Variants in DESI2 observed in about 807,000 individuals in gnomAD.
DESI2 encodes the protein desumoylating isopeptidase 2, also known as deubiquitinase DESI2.
In DESI2, 10 loss-of-function variants were observed where a neutral mutation model predicts 24.1. That is an observed-to-expected ratio of 0.41 (90% CI 0.26 to 0.70). DESI2 has a LOEUF of 0.70. DESI2 is among the 30% of genes least tolerant of loss of function. The pLI is 0.29. For synonymous variants in DESI2, 71 were observed against 87.7 expected, an observed-to-expected ratio of 0.81 and a Z score of 1.06; for missense variants, 122 against 234.9, an observed-to-expected ratio of 0.52 and a Z score of 3.14.
intron 4 of DESI2, chr1:244,694,690 G>A (rs930873715): frequency 2.4e-5 from 18 of 744,252 alleles, no homozygotes; most frequent in Non-Finnish European, 3.7e-5. Flanking sequence ...TTATTGCGAC[G>A]CTTTCCAAAC....
intron 1 of DESI2, among the ~76,000 whole-genome samples, chr1:244,657,621 C>A (rs572783061): frequency 6.6e-6 from 1 of 152,344 alleles, no homozygotes; most frequent in South Asian, 2.1e-4. Context: ...CAGAGATAAA[C>A]AGGCCCTGGA....
chr1:244,703,065 G>A (rs954541870), intron 4 of DESI2, among the ~76,000 whole-genome samples: 16 of 146,696 alleles, frequency 1.1e-4, no homozygotes, highest in South Asian at 2.2e-4. Context: ...GCAGTGGCAC[G>A]ATCTCAGCTC....
chr1:244,666,928 A>G (rs1676066423), intron 1 of DESI2, among the ~76,000 whole-genome samples: 1 of 152,174 alleles, frequency 6.6e-6, no homozygotes, highest in African/African-American at 2.4e-5. Flanking sequence ...TGATAAACCC[A>G]TCAGATCTCG....
chr1:244,676,573 G>C (rs1338501509), intron 1 of DESI2, among the ~76,000 whole-genome samples: 1 of 151,518 alleles, frequency 6.6e-6, no homozygotes, highest in Non-Finnish European at 1.5e-5. Flanking sequence ...TGCCCTGGCT[G>C]GAATCTCCAG....
chr1:244,677,463 T>TG (rs1676450813), intron 1 of DESI2, among the ~76,000 whole-genome samples: 1 of 152,202 alleles, frequency 6.6e-6, no homozygotes, highest in African/African-American at 2.4e-5. Flanking sequence ...CTTCAACTTC[T>TG]GGGGGTCCTT....
intron 1 of DESI2, among the ~76,000 whole-genome samples, chr1:244,686,250 CTGTGTGTGTGTGTGTATGTG>C (rs1052166515): frequency 6.6e-6 from 1 of 150,396 alleles, no homozygotes; most frequent in African/African-American, 2.5e-5. Flanking sequence ...AAAGCACACT[CTGTGTGTGTGTGTGTATGTG>C]TGTGTGTGTG....
chr1:244,662,062 C>T (rs563154427), intron 1 of DESI2, among the ~76,000 whole-genome samples: 26 of 152,322 alleles, frequency 1.7e-4, no homozygotes, highest in Admixed American at 3.9e-4. Context: ...ACATCCTCTC[C>T]AGCACCTGTT....
chr1:244,657,777 C>T (rs1253269672), intron 1 of DESI2, among the ~76,000 whole-genome samples: 3 of 152,220 alleles, frequency 2.0e-5, no homozygotes, highest in Non-Finnish European at 2.9e-5. Flanking sequence ...TATCCTCAGT[C>T]AGCAGTATGT....
intron 1 of DESI2, among the ~76,000 whole-genome samples, chr1:244,663,160 C>T (rs1438447521): frequency 1.3e-5 from 2 of 151,908 alleles, no homozygotes; most frequent in Admixed American, 6.6e-5. Context: ...GACCATTCAA[C>T]CAAAGCCTGG....
Position 244,653,263 on chromosome 1 carries a change from C to A in DESI2, c.-51C>A. The A allele has an allele frequency of 6.8e-7, 1 of 1,461,520 alleles. No homozygotes were observed. Among genetic ancestry groups the A allele is most frequent in the Non-Finnish European group, 9.0e-7 (1 of 1,108,424 alleles). 90.5% of individuals were successfully genotyped at this position (1,461,520 alleles called of 1,614,324 possible). Reference sequence around the variant, plus strand: ...CGCGGGGGTGAGAGCGGCCTCCGGCCCCGCGGAGACGGAGCGGCTTGAGGA... The same window carrying A: ...CGCGGGGGTGAGAGCGGCCTCCGGCACCGCGGAGACGGAGCGGCTTGAGGA... On this transcript the variant is annotated 5_prime_UTR_variant, in exon 1 of 5. Transcript: ENST00000302550.
chr1:244,695,199 G>T (rs1008187315), intron 4 of DESI2, among the ~76,000 whole-genome samples: 5 of 152,138 alleles, frequency 3.3e-5, no homozygotes, highest in African/African-American at 1.2e-4. Flanking sequence ...TTTGGAAACA[G>T]TGGAACTCTT....
intron 1 of DESI2, among the ~76,000 whole-genome samples, chr1:244,672,646 A>G (rs1036057074): frequency 6.6e-6 from 1 of 152,180 alleles, no homozygotes; most frequent in Non-Finnish European, 1.5e-5. Flanking sequence ...TGGGAGGCCA[A>G]GGCGGGCGGA....
At chr1:244,693,042 T>A (rs534670705) in intron 4 of DESI2, among the ~76,000 whole-genome samples, 1 of 152,306 alleles carries the variant, frequency 6.6e-6, no homozygotes, top group South Asian at 2.1e-4. Flanking sequence ...AGGCATTACA[T>A]TTGTATGGAA....
chr1:244,699,199 C>G (rs779931964), intron 4 of DESI2, among the ~76,000 whole-genome samples: 1 of 152,166 alleles, frequency 6.6e-6, no homozygotes, highest in Non-Finnish European at 1.5e-5. Flanking sequence ...CAGTGAGTGG[C>G]TCTCTAAAAC....
At chr1:244,677,590 TGAAACAGA>T (rs1463752848) in intron 1 of DESI2, among the ~76,000 whole-genome samples, 2 of 152,106 alleles carry the variant, frequency 1.3e-5, no homozygotes, top group African/African-American at 4.8e-5. Flanking sequence ...CACAGAATAT[TGAAACAGA>T]GCCTTCAAAA....
chr1:244,680,961 T>C (rs1391330699), intron 1 of DESI2, among the ~76,000 whole-genome samples: 1 of 151,914 alleles, frequency 6.6e-6, no homozygotes, highest in Admixed American at 6.6e-5. Flanking sequence ...TTTTTTTTTT[T>C]TTTTAAGTAT....
intron 4 of DESI2, among the ~76,000 whole-genome samples, chr1:244,696,259 C>T (rs985572212): frequency 3.3e-5 from 5 of 152,182 alleles, no homozygotes; most frequent in Non-Finnish European, 4.4e-5. Flanking sequence ...AATTTTTTAA[C>T]GGTTAGTTTG....
In DESI2 at chr1:244,690,454, C is replaced by T. The variant is rs1676983959; in HGVS notation, c.209+1112C>T. ...GGTGCAGTGGCTCATGCCTGTAATC[C>T]CAGCACTTTGGGAGGCCAAGGCAGG... On this transcript the variant is annotated intron_variant, in intron 3 of 4. Transcript: ENST00000302550. Among the ~76,000 whole-genome samples, 4 of 152,120 alleles carry T rather than the reference C, an allele frequency of 2.6e-5. No individual in the cohort carries two copies. In the South Asian group the frequency reaches 8.3e-4, roughly 32 times the overall value.
At chr1:244,694,757 G>A in intron 4 of DESI2, 1 of 601,586 alleles carries the variant, frequency 1.7e-6, no homozygotes, top group South Asian at 2.0e-5. Context: ...GATTCATTAA[G>A]TTTTATTAGA....
Sources: gnomAD v4.1 joint callset for allele counts (sites outside exome capture counted in the v4.1 genomes callset) on GRCh38, gnomAD v4.1.1 for gene constraint, MANE v1.5 for transcripts, NCBI Gene and HGNC (gene_info 2026-07-23, HGNC 2026-07-21) for gene names.